OR10J1: variants seen among roughly 807,000 people sequenced by gnomAD.
The protein encoded by OR10J1 is olfactory receptor 10J1.
For missense variants in OR10J1, 474 were observed against 376.6 expected (o/e 1.26, Z -2.14); for synonymous variants, 202 against 143.8 (o/e 1.40, Z -2.89).
the OR10J1 span, among the ~76,000 whole-genome samples, chr1:159,411,184 G>C: frequency 3.3e-5 from 5 of 152,246 alleles, no homozygotes; most frequent in Admixed American, 3.3e-4. Context: ...GTTGATTTGG[G>C]GTGGAGAGTT....
At chr1:159,433,040 G>A, upstream of OR10J1, 1 of 449,182 alleles carries the variant, frequency 2.2e-6, no homozygotes, top group Non-Finnish European at 4.0e-6. Context: ...GACATACACT[G>A]TTATTACTCC....
chr1:159,405,386 AC>A, the OR10J1 span: 1 of 156,232 alleles, frequency 6.4e-6, no homozygotes, highest in South Asian at 2.0e-4. Context: ...GACTGCCAAA[AC>A]TTTGGAGAAG....
At chr1:159,416,819 T>G in the OR10J1 span, among the ~76,000 whole-genome samples, 3 of 152,088 alleles carry the variant, frequency 2.0e-5, no homozygotes, top group African/African-American at 7.2e-5. Flanking sequence ...GTAGGTGATA[T>G]GAGTCTAGAA....
chr1:159,439,674 C>T, upstream of OR10J1: 1 of 1,251,516 alleles, frequency 8.0e-7, no homozygotes, highest in Non-Finnish European at 1.1e-6. Flanking sequence ...GGAAATACAT[C>T]ACCAGATTTG....
upstream of OR10J1, chr1:159,439,627 A>T (rs1655844158): frequency 1.3e-6 from 1 of 786,394 alleles, no homozygotes; most frequent in Non-Finnish European, 2.0e-6. Context: ...TATTTTAAGT[A>T]AAGATAAGTA....
the OR10J1 span, among the ~76,000 whole-genome samples, chr1:159,406,864 C>G: frequency 5.3e-5 from 8 of 152,136 alleles, no homozygotes; most frequent in African/African-American, 1.7e-4. Flanking sequence ...GATCCCAGAT[C>G]AAGCATTCTT....
chr1:159,408,949 T>C, the OR10J1 span, among the ~76,000 whole-genome samples: 1 of 152,034 alleles, frequency 6.6e-6, no homozygotes, highest in Non-Finnish European at 1.5e-5. Flanking sequence ...GGAACTGCTA[T>C]AAGGAAGAAA....
the OR10J1 span, among the ~76,000 whole-genome samples, chr1:159,417,082 G>T: frequency 6.6e-6 from 1 of 151,690 alleles, no homozygotes; most frequent in Non-Finnish European, 1.5e-5. Context: ...GTTCTGCTTT[G>T]ATCTTTATTA....
chr1:159,413,330 C>A, the OR10J1 span, among the ~76,000 whole-genome samples: 1 of 151,940 alleles, frequency 6.6e-6, no homozygotes. Context: ...CCAGCCATCC[C>A]ATTACTGGGT....
At position 159,440,580 on chromosome 1, in the gene OR10J1, A is replaced by C. The variant is rs773206111; in HGVS notation, c.789A>C (p.Ser263=). 1.2e-5 allele frequency: 19 copies of C among 1,613,776 alleles called. No individual in the cohort carries two copies. Among genetic ancestry groups the C allele is most frequent in the Non-Finnish European group, 1.6e-5 (19 of 1,179,966 alleles). Reference sequence around the variant, plus strand: ...CCATTGCCTACCTCAAGCCCAAGTCAGAGAACACCAGAGAACATGACCAGC... The same window carrying C: ...CCATTGCCTACCTCAAGCCCAAGTCCGAGAACACCAGAGAACATGACCAGC... ...CASIAYLKPK[S]ENTREHDQLI... Residue 263 remains serine (S), a synonymous_variant, in exon 1 of 1, where the codon TCA becomes TCC. Coordinates refer to ENST00000423932, the MANE Select transcript of OR10J1 (RefSeq NM_012351.3).
chr1:159,440,328 C>T lies in OR10J1; in HGVS notation c.537C>T (p.Asp179=), dbSNP rs1388189230. 5 of 1,614,070 alleles carry T rather than the reference C, an allele frequency of 3.1e-6. No homozygotes were observed. In the African/African-American group the frequency reaches 6.7e-5, roughly 22 times the overall value. ...CARKVPHFFC[D]IRPVMKLSCI... is the part of the protein sequence containing the mutation. ...GAAAGGTGCCCCACTTCTTCTGTGA[C>T]ATCCGCCCTGTGATGAAGCTCTCCT... Residue 179 remains aspartate (D), a synonymous_variant, in exon 1 of 1, where the codon GAC becomes GAT. Transcript: ENST00000423932.
chr1:159,439,515 G>C (rs920021275), upstream of OR10J1, among the ~76,000 whole-genome samples: 2 of 152,178 alleles, frequency 1.3e-5, no homozygotes, highest in Admixed American at 6.5e-5. Context: ...GGGAGGAAGA[G>C]TAGATATGAA....
the OR10J1 span, among the ~76,000 whole-genome samples, chr1:159,413,848 A>G: frequency 1.3e-5 from 2 of 151,466 alleles, no homozygotes; most frequent in African/African-American, 4.8e-5. Flanking sequence ...ATAATAATAA[A>G]ATAAAATAAA....
upstream of OR10J1, among the ~76,000 whole-genome samples, chr1:159,434,132 C>A (rs1571154186): frequency 2.0e-5 from 3 of 152,082 alleles, no homozygotes; most frequent in Middle Eastern, 6.8e-3. Context: ...TTTTATTATT[C>A]TTTTTTATGG....
At position 159,440,434 on chromosome 1, in the gene OR10J1, A is replaced by G. The variant is rs1231178292; in HGVS notation, c.643A>G (p.Ile215Val). The G allele has an allele frequency of 6.2e-7, 1 of 1,613,950 alleles. No homozygotes were observed. The highest frequency in any genetic ancestry group is 2.2e-5 in the East Asian group (1 of 44,888). ...VLVVPMGLVF[I>V]SYVLIISTIL... ...TGTTGTACCTATGGGTCTGGTTTTC[A>G]TTTCTTATGTTCTCATTATCTCTAC... Residue 215 changes from isoleucine (I) to valine (V), a missense_variant, in exon 1 of 1, where the codon ATT (isoleucine) becomes GTT (valine). Coordinates refer to ENST00000423932, the MANE Select transcript of OR10J1 (RefSeq NM_012351.3).
At chr1:159,413,677 T>G in the OR10J1 span, among the ~76,000 whole-genome samples, 1 of 121,220 alleles carries the variant, frequency 8.2e-6, no homozygotes, top group South Asian at 2.9e-4. Flanking sequence ...CATCACACTC[T>G]AGGGACTGTT....
At chr1:159,427,722 G>C in the OR10J1 span, among the ~76,000 whole-genome samples, 1 of 152,006 alleles carries the variant, frequency 6.6e-6, no homozygotes, top group Non-Finnish European at 1.5e-5. Context: ...GTGAGATTTA[G>C]CCAGCATTTA....
At chr1:159,430,309 C>T in the OR10J1 span, among the ~76,000 whole-genome samples, 1 of 152,130 alleles carries the variant, frequency 6.6e-6, no homozygotes, top group Admixed American at 6.5e-5. Flanking sequence ...AACAAACCAT[C>T]TCCATCCCAG....
chr1:159,410,295 C>T, the OR10J1 span, among the ~76,000 whole-genome samples: 1 of 152,094 alleles, frequency 6.6e-6, no homozygotes, highest in African/African-American at 2.4e-5. Context: ...CCTTGTACCT[C>T]TGGTAGAATT....
Sources: allele counts gnomAD v4.1 joint callset (sites outside exome capture counted in the v4.1 genomes callset), GRCh38; gene constraint gnomAD v4.1.1; transcripts MANE v1.5; gene names NCBI Gene and HGNC (gene_info 2026-07-23, HGNC 2026-07-21).